Variants in TGFBR3 observed in about 807,000 individuals in gnomAD.
The protein encoded by TGFBR3 is transforming growth factor beta receptor type 3.
A neutral mutation model predicts 87.9 loss-of-function variants in TGFBR3; 46 were observed. The observed-to-expected ratio is 0.52, with a 90% CI of 0.41 to 0.67. TGFBR3 has a LOEUF of 0.67. TGFBR3 is among the 30% of genes least tolerant of loss of function. The pLI is 0.00. For synonymous variants in TGFBR3, 381 were observed against 391.6 expected (o/e 0.97, Z 0.32); for missense variants, 866 against 1,041.9 (o/e 0.83, Z 2.32).
At chr1:91,772,366 C>T (rs909998389) in intron 3 of TGFBR3, among the ~76,000 whole-genome samples, 1 of 86,686 alleles carries the variant, frequency 1.2e-5, no homozygotes, top group Non-Finnish European at 2.4e-5. Context: ...CTAAAGGGTA[C>T]CTTTAGATTG....
At chr1:91,882,064 A>AAATAAAT (rs1222068806) in intron 1 of TGFBR3, among the ~76,000 whole-genome samples, 3 of 84,526 alleles carry the variant, frequency 3.5e-5, no homozygotes, top group Non-Finnish European at 5.6e-5. Context: ...AATAAATAAT[A>AAATAAAT]AAAAAATACT....
intron 1 of TGFBR3, among the ~76,000 whole-genome samples, chr1:91,903,014 C>G (rs189583004): frequency 1.7e-4 from 23 of 138,940 alleles, no homozygotes; most frequent in African/African-American, 6.4e-4. Flanking sequence ...TAACAGTCTT[C>G]TAGCACCTCA....
At chr1:91,761,593 T>C (rs147635699) in intron 3 of TGFBR3, among the ~76,000 whole-genome samples, 1,625 of 152,232 alleles carry the variant, frequency 0.011, 31 homozygotes, top group African/African-American at 0.037. Context: ...AACCTGTCTT[T>C]TCTATGCTTC....
Position 91,695,138 on chromosome 1 carries a change from A to C in TGFBR3, c.2437+534T>G, listed in dbSNP as rs148740657. The stretch of plus-strand genomic sequence containing the variant: ...TTTTTTTTTTTTTCAGTTCATGGAA[A>C]TCTATTTAGAAAATTTAACTTTATA... On this transcript the variant is annotated intron_variant, in intron 16 of 16. Coordinates refer to ENST00000212355, the MANE Select transcript of TGFBR3 (RefSeq NM_003243.5). Among the ~76,000 whole-genome samples the C allele has an allele frequency of 2.1e-4, 31 of 151,068 alleles. 1 individual carries two copies. The East Asian group carries it at 6.0e-3, about 29-fold the overall frequency.
chr1:91,851,834 G>A (rs1415552251), intron 2 of TGFBR3, among the ~76,000 whole-genome samples: 1 of 152,296 alleles, frequency 6.6e-6, no homozygotes, highest in South Asian at 2.1e-4. Flanking sequence ...GAGAAACCTC[G>A]ATTCTCTTGA....
chr1:91,789,870 C>A (rs1040729558), intron 3 of TGFBR3, among the ~76,000 whole-genome samples: 3 of 152,194 alleles, frequency 2.0e-5, no homozygotes, highest in Non-Finnish European at 4.4e-5. Context: ...CACCTTCACA[C>A]GACCTAGCAG....
At chr1:91,865,756 C>CA (rs1181163277) in intron 1 of TGFBR3, among the ~76,000 whole-genome samples, 3 of 150,424 alleles carry the variant, frequency 2.0e-5, no homozygotes, top group Middle Eastern at 3.5e-3. Context: ...ACTTAAAATA[C>CA]AAAAAATTAG....
At chr1:91,716,842 T>C (rs1672194913) in intron 10 of TGFBR3, 134 bp from the exon 11 acceptor site, 15 of 1,125,664 alleles carry the variant, frequency 1.3e-5, no homozygotes, top group Non-Finnish European at 1.9e-5. Flanking sequence ...AATAATAAAA[T>C]AACATCCAGG....
At chr1:91,727,476 C>G (rs1255140315) in intron 7 of TGFBR3, among the ~76,000 whole-genome samples, 183 bp downstream of exon 7, 1 of 152,156 alleles carries the variant, frequency 6.6e-6, no homozygotes, top group East Asian at 1.9e-4. Context: ...CGTCTTAATC[C>G]AAGGCCATGT....
intron 2 of TGFBR3, among the ~76,000 whole-genome samples, chr1:91,811,443 T>G (rs1304179056): frequency 6.6e-6 from 1 of 152,196 alleles, no homozygotes; most frequent in East Asian, 1.9e-4. Context: ...ACCAATAATT[T>G]GCATTATTGT....
intron 16 of TGFBR3, 139 bp from the exon 17 acceptor site, chr1:91,683,996 C>T: frequency 1.4e-6 from 1 of 715,658 alleles, no homozygotes; most frequent in Non-Finnish European, 2.4e-6. Flanking sequence ...AGACTAGGTC[C>T]TAGATGGCTG....
At chr1:91,833,095 GA>G (rs2101091331) in intron 2 of TGFBR3, among the ~76,000 whole-genome samples, 1 of 151,138 alleles carries the variant, frequency 6.6e-6, no homozygotes, top group African/African-American at 2.4e-5. Context: ...AGGAGTTTGA[GA>G]CTGACCTGGC....
intron 2 of TGFBR3, among the ~76,000 whole-genome samples, chr1:91,819,209 A>T (rs1302908947): frequency 6.6e-6 from 1 of 152,088 alleles, no homozygotes; most frequent in Non-Finnish European, 1.5e-5. Flanking sequence ...CTCTACTAAG[A>T]ATACAAAAAT....
At chr1:91,832,932 C>T (rs911001681) in intron 2 of TGFBR3, among the ~76,000 whole-genome samples, 4 of 150,836 alleles carry the variant, frequency 2.7e-5, no homozygotes, top group South Asian at 2.1e-4. Flanking sequence ...CACTTGAACC[C>T]GGGAGGTGGA....
intron 16 of TGFBR3, among the ~76,000 whole-genome samples, chr1:91,691,311 A>G (rs777124326): frequency 5.3e-5 from 8 of 152,186 alleles, no homozygotes; most frequent in Non-Finnish European, 1.2e-4. Flanking sequence ...CCAATTAGTG[A>G]CCAGCATAAT....
At chr1:91,790,948 G>A (rs949876675) in intron 3 of TGFBR3, among the ~76,000 whole-genome samples, 6 of 152,120 alleles carry the variant, frequency 3.9e-5, no homozygotes, top group Non-Finnish European at 8.8e-5. Context: ...ATAATCGAGG[G>A]GGAAAAAGAG....
intron 3 of TGFBR3, among the ~76,000 whole-genome samples, chr1:91,772,926 G>T (rs1379513342): frequency 6.6e-6 from 1 of 152,188 alleles, no homozygotes; most frequent in Non-Finnish European, 1.5e-5. Flanking sequence ...AAATAGGATT[G>T]TCTGATTTCT....
chr1:91,859,206 C>G (rs908018012), intron 2 of TGFBR3, among the ~76,000 whole-genome samples: 1 of 152,060 alleles, frequency 6.6e-6, no homozygotes, highest in East Asian at 1.9e-4. Context: ...AAAACTGATT[C>G]ACTATCAAAT....
At chr1:91,880,230 A>G (rs1367848239) in intron 1 of TGFBR3, among the ~76,000 whole-genome samples, 1 of 152,210 alleles carries the variant, frequency 6.6e-6, no homozygotes, top group East Asian at 1.9e-4. Flanking sequence ...AAAGGCCCCT[A>G]AAAACATTTA....
Sources: allele counts gnomAD v4.1 joint callset (sites outside exome capture counted in the v4.1 genomes callset), GRCh38; gene constraint gnomAD v4.1.1; transcripts MANE v1.5; gene names NCBI Gene and HGNC (gene_info 2026-07-23, HGNC 2026-07-21).